The following MERTK variants were observed in gnomAD, a reference collection of about 807,000 sequenced individuals.
The protein encoded by MERTK is MER proto-oncogene, tyrosine kinase.
A neutral mutation model predicts 99.3 loss-of-function variants in MERTK; 69 were observed. That is an observed-to-expected ratio of 0.70 (90% confidence interval 0.57 to 0.85). The LOEUF (loss-of-function observed/expected upper bound fraction) is 0.85, where lower values mean the gene tolerates loss of function less well. Among genes scored for constraint, MERTK ranks in the 40% least tolerant of loss-of-function variants. MERTK has a pLI of 0.00. For synonymous variants in MERTK, 426 were observed against 467.6 expected (o/e 0.91, Z 1.15); for missense variants, 1,125 against 1,249.4 (o/e 0.90, Z 1.50).
At chr2:111,997,734 G>C (rs184396949) in intron 10 of MERTK, among the ~76,000 whole-genome samples, 12 of 152,332 alleles carry the variant, frequency 7.9e-5, no homozygotes, top group African/African-American at 2.9e-4. Flanking sequence ...CTGGATTGCT[G>C]TTAAGTGAGG....
At chr2:111,956,833 T>C (rs1019852523) in intron 4 of MERTK, among the ~76,000 whole-genome samples, 4 of 152,152 alleles carry the variant, frequency 2.6e-5, no homozygotes, top group Non-Finnish European at 5.9e-5. Flanking sequence ...AAATTTTTTG[T>C]AGGACGGGAT....
intron 16 of MERTK, chr2:112,020,573 AGCCCTTT>A: frequency 2.1e-6 from 1 of 470,854 alleles, no homozygotes; most frequent in South Asian, 1.5e-5. Flanking sequence ...ATGCAGTTGT[AGCCCTTT>A]AATTTCTCAT....
chr2:111,945,216 C>T (rs6730908), intron 3 of MERTK, among the ~76,000 whole-genome samples, 156 bp downstream of exon 3: 6,229 of 152,264 alleles, frequency 0.041, 432 homozygotes, highest in African/African-American at 0.14. Context: ...TTACAAGGTA[C>T]TCCACTTTGT....
chr2:112,011,640 A>G (rs185849838), intron 15 of MERTK, among the ~76,000 whole-genome samples: 1 of 152,278 alleles, frequency 6.6e-6, no homozygotes, highest in African/African-American at 2.4e-5. Flanking sequence ...AATCCCAGCT[A>G]CTTGGGAGGC....
intron 6 of MERTK, among the ~76,000 whole-genome samples, chr2:111,974,572 C>T (rs979698645): frequency 6.6e-6 from 1 of 151,868 alleles, no homozygotes; most frequent in South Asian, 2.1e-4. Flanking sequence ...GAGTTCGAGG[C>T]CAGCATGGCC....
rs140167554 is a variant in MERTK, at chr2:111,988,935, C to T, written c.1297-5316C>T. Among the ~76,000 whole-genome samples the T allele has an allele frequency of 2.5e-3, 376 of 152,212 alleles. 9 individuals carry two copies. The highest frequency in any genetic ancestry group is 6.0e-3 in the East Asian group (31 of 5,178). ...CTGCACTCCAGCCTAGGGGACAGAG[C>T]GAGACTCCATTTCAAAAACCACTGT... On this transcript the variant is annotated intron_variant, in intron 8 of 18. Coordinates refer to ENST00000295408, the MANE Select transcript of MERTK (RefSeq NM_006343.3).
intron 7 of MERTK, among the ~76,000 whole-genome samples, chr2:111,979,656 C>G (rs567274434): frequency 8.6e-5 from 13 of 151,942 alleles, no homozygotes; most frequent in Admixed American, 3.3e-4. Flanking sequence ...TTTTCTTTGC[C>G]TTTTTATTCT....
At chr2:111,904,970 G>GTT (rs1432335131) in intron 1 of MERTK, among the ~76,000 whole-genome samples, 1 of 152,218 alleles carries the variant, frequency 6.6e-6, no homozygotes, top group Non-Finnish European at 1.5e-5. Context: ...AGTTAAACCA[G>GTT]TTCCCTCTCT....
chr2:111,900,686 T>C (rs570759653), intron 1 of MERTK, among the ~76,000 whole-genome samples: 1 of 151,520 alleles, frequency 6.6e-6, no homozygotes, highest in Non-Finnish European at 1.5e-5. Context: ...ATGAAAAGTT[T>C]CACCAATCGT....
intron 4 of MERTK, among the ~76,000 whole-genome samples, chr2:111,962,298 G>A (rs987832675): frequency 2.0e-5 from 3 of 152,040 alleles, no homozygotes; most frequent in Non-Finnish European, 4.4e-5. Context: ...ACCTGAGGTC[G>A]GGAGTTCAGG....
chr2:112,021,607 G>T (rs767821532), intron 17 of MERTK, 26 bp downstream of exon 17: 1 of 1,589,126 alleles, frequency 6.3e-7, no homozygotes, highest in South Asian at 1.1e-5. Context: ...TGATTCAGGG[G>T]TCCCACAGCA....
At chr2:111,938,803 T>TCCATTC (rs1370358629) in intron 2 of MERTK, among the ~76,000 whole-genome samples, 1 of 152,138 alleles carries the variant, frequency 6.6e-6, no homozygotes, top group Non-Finnish European at 1.5e-5. Flanking sequence ...CCCCCAGCCC[T>TCCATTC]CTCCCTGTAG....
intron 4 of MERTK, among the ~76,000 whole-genome samples, chr2:111,951,870 A>T (rs917091220): frequency 1.3e-5 from 2 of 152,070 alleles, no homozygotes; most frequent in Non-Finnish European, 2.9e-5. Context: ...TTTATTTCCC[A>T]ATTATTTACT....
chr2:111,921,212 C>T (rs551262319), intron 1 of MERTK, among the ~76,000 whole-genome samples: 10 of 151,996 alleles, frequency 6.6e-5, no homozygotes, highest in Non-Finnish European at 1.2e-4. Flanking sequence ...AACAGGGATA[C>T]CAGCATTTAC....
At position 111,925,292 on chromosome 2, in the gene MERTK, A is replaced by ATTTTTTTTTTT. The variant is rs11433691; in HGVS notation, c.62-3812_62-3802dup. ...ACAGATCAGATATATATATATATAT[A>ATTTTTTTTTTT]TTTTTTTTTTTTTTTTTTTTTTTTT... On this transcript the variant is annotated intron_variant, in intron 1 of 18. Transcript: ENST00000295408. Among the ~76,000 whole-genome samples, 6 of 24,498 alleles carry ATTTTTTTTTTT rather than the reference A, an allele frequency of 2.4e-4. 1 individual carries two copies. The highest frequency in any genetic ancestry group is 2.9e-4 in the Non-Finnish European group (4 of 13,734). 16.1% of individuals were successfully genotyped at this position (24,498 alleles called of 152,430 possible). A position where few individuals can be genotyped will look rare whatever the true frequency, so the allele number is the denominator to read the frequency against.
At chr2:111,925,292 A>ATATATATATAT (rs372747015) in intron 1 of MERTK, among the ~76,000 whole-genome samples, 8 of 24,496 alleles carry the variant, frequency 3.3e-4, no homozygotes, top group African/African-American at 7.1e-4. Flanking sequence ...ATATATATAT[A>ATATATATATAT]TTTTTTTTTT....
chr2:111,961,310 G>A (rs947727966), intron 4 of MERTK, among the ~76,000 whole-genome samples: 164 of 151,528 alleles, frequency 1.1e-3, no homozygotes, highest in East Asian at 2.5e-3. Context: ...ACAGGCGCCC[G>A]CCACAACGCC....
At chr2:111,911,187 C>A (rs959108083) in intron 1 of MERTK, among the ~76,000 whole-genome samples, 1 of 152,016 alleles carries the variant, frequency 6.6e-6, no homozygotes, top group Admixed American at 6.6e-5. Flanking sequence ...CTGAGCAGGA[C>A]GCTAGCAGCA....
intron 7 of MERTK, among the ~76,000 whole-genome samples, chr2:111,979,390 T>C (rs1676321172): frequency 6.6e-6 from 1 of 152,172 alleles, no homozygotes; most frequent in Admixed American, 6.5e-5. Flanking sequence ...ATGTGAACTG[T>C]TTTTCAGTTT....
Sources: allele counts gnomAD v4.1 joint callset (sites outside exome capture counted in the v4.1 genomes callset), GRCh38; gene constraint gnomAD v4.1.1; transcripts MANE v1.5; gene names NCBI Gene and HGNC (gene_info 2026-07-23, HGNC 2026-07-21).